The following DBH variants were observed in gnomAD, a reference collection of about 807,000 sequenced individuals.
DBH encodes dopamine beta-hydroxylase, also known as dopamine beta-hydroxylase (dopamine beta-monooxygenase).
Under a neutral mutation model 64.0 loss-of-function variants are expected in DBH, and 49 were observed. The ratio of observed to expected loss-of-function variants is 0.77; its 90% CI spans 0.61 to 0.97. The LOEUF is 0.97. Ranked by LOEUF, DBH falls within the 50% of genes least tolerant of loss-of-function variation. The pLI is 0.00. For missense variants in DBH, 828 were observed against 826.6 expected (o/e 1.00, Z -0.02); for synonymous variants, 343 against 347.1 (o/e 0.99, Z 0.13).
chr9:133,641,152 C>T (rs764304162), intron 2 of DBH, among the ~76,000 whole-genome samples: 1 of 152,208 alleles, frequency 6.6e-6, no homozygotes, highest in Non-Finnish European at 1.5e-5. Context: ...TTTGAGCCTG[C>T]AATCCATTAA....
intron 6 of DBH, among the ~76,000 whole-genome samples, chr9:133,650,078 G>A (rs555771726): frequency 2.6e-5 from 4 of 152,304 alleles, no homozygotes; most frequent in South Asian, 4.1e-4. Flanking sequence ...CCACCTGGCC[G>A]ACACCTGGCA....
rs1224701158 is a variant in DBH at position 133,651,686 on chromosome 9, T to C, written c.1244T>C (p.Leu415Pro). 2 of 1,613,830 alleles carry C rather than the reference T, an allele frequency of 1.2e-6. No individual in the cohort carries two copies. The highest frequency in any genetic ancestry group is 2.2e-5 in the South Asian group (2 of 91,070). ...HIFASQLHTH[L>P]TGRKVVTVLV... ...TTCGCCTCTCAGCTCCACACACACC[T>C]GACTGGGAGAAAGGTGGTCACAGTG... is the stretch of plus-strand genomic sequence containing the variant. Residue 415 changes from leucine to proline, a missense_variant, in exon 7 of 12, where the codon CTG becomes CCG. By Grantham distance (98) the Leu-to-Pro change is moderately conservative. Coordinates refer to ENST00000393056, the MANE Select transcript of DBH (RefSeq NM_000787.4).
intron 5 of DBH, among the ~76,000 whole-genome samples, chr9:133,646,263 C>A (rs1541333): frequency 1.3e-5 from 2 of 151,820 alleles, no homozygotes; most frequent in South Asian, 2.1e-4. Flanking sequence ...GCCTGACATC[C>A]CTTTCCTGTA....
intron 1 of DBH, 149 bp from the exon 2 acceptor site, chr9:133,639,697 C>G: frequency 1.2e-6 from 1 of 835,842 alleles, no homozygotes; most frequent in Non-Finnish European, 1.9e-6. Flanking sequence ...CAGCCCCAGG[C>G]AGAACCCTCA....
intron 7 of DBH, 150 bp downstream of exon 7, chr9:133,651,927 G>C: frequency 1.2e-6 from 1 of 828,848 alleles, no homozygotes; most frequent in Non-Finnish European, 1.9e-6. Flanking sequence ...CATGTGGCCT[G>C]TGCTCCCCAC....
chr9:133,657,817 C>CA (rs1472370365), intron 11 of DBH, among the ~76,000 whole-genome samples: 1 of 152,204 alleles, frequency 6.6e-6, no homozygotes, highest in Non-Finnish European at 1.5e-5. Context: ...TAAGGTGCCG[C>CA]AGCCTGGAGA....
chr9:133,644,399 G>C (rs533760253), intron 5 of DBH, 79 bp downstream of exon 5: 9 of 1,180,560 alleles, frequency 7.6e-6, no homozygotes, highest in Non-Finnish European at 1.1e-5. Flanking sequence ...CCCGCCCTTC[G>C]TCTGCCCAGC....
chr9:133,646,005 G>A (rs117214842), intron 5 of DBH, among the ~76,000 whole-genome samples: 6,423 of 152,244 alleles, frequency 0.042, 173 homozygotes, highest in Non-Finnish European at 0.067. Flanking sequence ...ACACTGGTGA[G>A]AAGATGGACA....
At chr9:133,652,809 T>G in intron 8 of DBH, 131 bp from the exon 9 acceptor site, 1 of 719,556 alleles carries the variant, frequency 1.4e-6, no homozygotes. Flanking sequence ...GGGCTCCTTG[T>G]AGTGGACGAC....
In DBH at chr9:133,643,380, G is replaced by A. The variant is rs111570812; in HGVS notation, c.745-33G>A. 232 of 1,612,730 alleles carry A rather than the reference G, an allele frequency of 1.4e-4. No homozygotes were observed. Among genetic ancestry groups the A allele is most frequent in the African/African-American group, 1.3e-3 (100 of 74,952 alleles). On this transcript the variant is annotated intron_variant, in intron 3 of 11. Transcript: ENST00000393056. This position sits in a 1 kb window ranked among gnomAD's most constrained non-coding sequence, Gnocchi z 5.3. ...GCTGGGGAGGGGAGGGTGGGCGGCC[G>A]GTTCCCGGGCTCAGAGGGCTGCCTC...
In DBH at chr9:133,652,182, G is replaced by A. The variant is rs78646168; in HGVS notation, c.1336-64G>A. 1.5e-3 allele frequency: 2,442 copies of A among 1,591,874 alleles called. 31 individuals are homozygous for A. In the African/African-American group the frequency reaches 0.022, roughly 15 times the overall value. ...AGGCCTGAGGGAGGACACAGTGGCC[G>A]GGGGTCTGGTCTGCAGCTCTCTGAG... On this transcript the variant is annotated intron_variant, in intron 7 of 11. Coordinates refer to ENST00000393056, the MANE Select transcript of DBH (RefSeq NM_000787.4).
intron 6 of DBH, among the ~76,000 whole-genome samples, chr9:133,648,525 G>A (rs1832209579): frequency 6.6e-6 from 1 of 152,244 alleles, no homozygotes; most frequent in Non-Finnish European, 1.5e-5. Flanking sequence ...ACAAATGGGA[G>A]GCATTTTTCT....
At chr9:133,646,949 C>G (rs2797854) in intron 5 of DBH, among the ~76,000 whole-genome samples, 118,067 of 152,148 alleles carry the variant, frequency 0.78, 46,107 homozygotes, top group East Asian at 0.97. Context: ...AATCAGGAGA[C>G]ACAGTCTCCG....
chr9:133,650,469 T>C (rs1832233368), intron 6 of DBH, among the ~76,000 whole-genome samples: 1 of 147,382 alleles, frequency 6.8e-6, no homozygotes, highest in Admixed American at 6.7e-5. Context: ...CTTTTCTTTT[T>C]CTTTCTTTTT....
In DBH at chr9:133,636,384, A is replaced by T. The variant is rs778274517; in HGVS notation, c.13A>T (p.Ser5Cys). Residue 5 changes from serine to cysteine, a missense_variant, in exon 1 of 12, where the codon AGT (serine) becomes TGT (cysteine). Transcript: ENST00000393056. MPAL[S>C]RWASLPGPSM... The stretch of plus-strand genomic sequence containing the variant: ...GCTCACCCCAGCCATGCCCGCCCTC[A>T]GTCGCTGGGCCAGCCTGCCCGGCCC... The T allele has an allele frequency of 5.0e-6, 8 of 1,609,918 alleles. No individual in the cohort carries two copies. Among genetic ancestry groups the T allele is most frequent in the Non-Finnish European group, 6.8e-6 (8 of 1,179,944 alleles).
At position 133,643,628 on chromosome 9, in the gene DBH, G is replaced by C. The variant is rs776420614; in HGVS notation, c.921+39G>C. On this transcript the variant is annotated intron_variant, in intron 4 of 11. Coordinates refer to ENST00000393056, the MANE Select transcript of DBH (RefSeq NM_000787.4). The surrounding 1 kb of genome is among the most constrained non-coding windows in gnomAD (Gnocchi z 5.3). ...GACCCCAGCATGGTGTCTCCTGCCT[G>C]GGCCCCTGGCATCCCCACACCTCTG... 5 of 1,609,218 alleles carry C rather than the reference G, an allele frequency of 3.1e-6. No homozygotes were observed. The highest frequency in any genetic ancestry group is 4.2e-6 in the Non-Finnish European group (5 of 1,177,814).
intron 9 of DBH, 35 bp from the exon 10 acceptor site, chr9:133,656,488 T>C (rs774689800): frequency 8.1e-6 from 13 of 1,613,180 alleles, no homozygotes; most frequent in Middle Eastern, 1.6e-4. Context: ...CTGCGTGGCA[T>C]GGCCCGGGGC....
At chr9:133,654,118 A>T (rs58930934) in intron 9 of DBH, among the ~76,000 whole-genome samples, 5 of 113,606 alleles carry the variant, frequency 4.4e-5, no homozygotes, top group East Asian at 3.1e-4. Context: ...TTTATTTTAT[A>T]TTTTATTTTT....
chr9:133,643,523 C>T lies in DBH; in HGVS notation c.855C>T (p.Ser285=), dbSNP rs763215062. ...CCCACTTCAGCGGGCCCTGCGACTC[C>T]AAGATGAAACCCGACCGCCTCAACT... ...SVPHFSGPCD[S]KMKPDRLNYC... The change falls in exon 4 of 12, where the codon TCC becomes TCT. Residue 285 remains serine, a synonymous_variant. Transcript: ENST00000393056. This position sits in a 1 kb window ranked among gnomAD's most constrained non-coding sequence, Gnocchi z 5.3. 2 of 1,613,766 alleles carry T rather than the reference C, an allele frequency of 1.2e-6. No homozygotes were observed.
Sources: gnomAD v4.1 joint callset for allele counts (sites outside exome capture counted in the v4.1 genomes callset) on GRCh38, gnomAD v4.1.1 for gene constraint, Gnocchi (gnomAD v3.1) non-coding constraint, MANE v1.5 for transcripts, NCBI Gene and HGNC (gene_info 2026-07-23, HGNC 2026-07-21) for gene names.